MYH14: variants seen among roughly 807,000 people sequenced by gnomAD.
MYH14 encodes the protein myosin-14.
A neutral mutation model predicts 255.5 loss-of-function variants in MYH14; 123 were observed. The observed-to-expected ratio is 0.48, with a 90% CI of 0.42 to 0.56. MYH14 has a LOEUF of 0.56. MYH14 is among the 20% of genes least tolerant of loss of function. MYH14 has a pLI of 0.00. For synonymous variants in MYH14, 1,095 were observed against 1,161.2 expected (o/e 0.94, Z 1.16); for missense variants, 2,423 against 2,802.3 (o/e 0.86, Z 3.06).
Position 50,266,744 on chromosome 19 carries a change from C to CACACAGCTTGGCCTG in MYH14, c.2695-133_2695-132insACACAGCTTGGCCTG. 1 of 1,150,974 alleles carries CACACAGCTTGGCCTG rather than the reference C, an allele frequency of 8.7e-7. No homozygotes were observed. Among genetic ancestry groups the CACACAGCTTGGCCTG allele is most frequent in the Non-Finnish European group, 1.2e-6 (1 of 802,710 alleles). 71.3% of individuals were successfully genotyped at this position (1,150,974 alleles called of 1,614,324 possible). ...AGTGTTCTAGGCCTGTGACCAGGGA[C>CACACAGCTTGGCCTG]TGTTGCCAAGGCGGGGACACACAGC... On this transcript the variant is annotated intron_variant, in intron 22 of 42. Transcript: ENST00000642316. The surrounding 1 kb of genome is among the most constrained non-coding windows in gnomAD (Gnocchi z 4.1).
rs2035522865 is a variant in MYH14, at chr19:50,276,765, G to A, written c.3689G>A (p.Arg1230Lys). 6.2e-7 allele frequency: 1 copy of A among 1,613,492 alleles called. No individual in the cohort carries two copies. Among genetic ancestry groups the A allele is most frequent in the Non-Finnish European group, 8.5e-7 (1 of 1,179,876 alleles). ...CCTTTCCCCCAATAAAGGTCCAAGA[G>A]GGAACAGGAGGTGACGGAGCTGAAG... ...TNAQQELRSK[R>K]EQEVTELKKT... Residue 1230 changes from arginine to lysine, a missense_variant, in exon 29 of 43, where the codon AGG becomes AAG. Arg to Lys is a conservative substitution (Grantham distance 26). This residue lies in a region of MYH14 where 1,513 missense variants were observed against 1,674.8 expected (regional missense o/e 0.90). Coordinates refer to ENST00000642316, the MANE Select transcript of MYH14 (RefSeq NM_001145809.2). This position sits in a 1 kb window ranked among gnomAD's most constrained non-coding sequence, Gnocchi z 4.3.
chr19:50,293,216 C>T lies in MYH14; in HGVS notation c.5257-17C>T. 2 of 1,584,838 alleles carry T rather than the reference C, an allele frequency of 1.3e-6. No individual in the cohort carries two copies. The highest frequency in any genetic ancestry group is 1.7e-6 in the Non-Finnish European group (2 of 1,164,354). Reference sequence around the variant, plus strand: ...TGCTTCTCCTCACACCCACCGGCCACCCCTCCATCATCACAGGAACTGGCC... The same window carrying T: ...TGCTTCTCCTCACACCCACCGGCCATCCCTCCATCATCACAGGAACTGGCC... On this transcript the variant is annotated splice_polypyrimidine_tract_variant and intron_variant, in intron 37 of 42. Transcript: ENST00000642316. The surrounding 1 kb of genome is among the most constrained non-coding windows in gnomAD (Gnocchi z 4.1).
Position 50,252,674 on chromosome 19 carries a change from C to T in MYH14, c.1866C>T (p.Asn622=), listed in dbSNP as rs772840034. The T allele has an allele frequency of 6.9e-6, 11 of 1,600,650 alleles. No individual in the cohort carries two copies. The African/African-American group carries it at 1.3e-4, about 20-fold the overall frequency. The change falls in exon 16 of 43, where the codon AAC becomes AAT. Residue 622 remains asparagine, a synonymous_variant. Transcript: ENST00000642316. The surrounding 1 kb of genome is among the most constrained non-coding windows in gnomAD (Gnocchi z 4.2). ...AGGCCAACGAGTGGCTGATGAAAAA[C>T]ATGGACCCTCTGAATGACAACGTCG... is the stretch of plus-strand genomic sequence containing the variant. The part of the protein sequence containing the change: ...DYKANEWLMK[N]MDPLNDNVAA...
chr19:50,267,652 G>C (rs1479544917), intron 23 of MYH14, among the ~76,000 whole-genome samples: 1 of 120,852 alleles, frequency 8.3e-6, no homozygotes, highest in Non-Finnish European at 1.7e-5. Flanking sequence ...AATAATGCTA[G>C]AACAAACCCC....
In MYH14 at chr19:50,276,760, C is replaced by T. The variant is rs1377100489; in HGVS notation, c.3684C>T (p.Ser1228=). The change falls in exon 29 of 43, where the codon TCC becomes TCT. Residue 1228 remains serine, a synonymous_variant. Coordinates refer to ENST00000642316, the MANE Select transcript of MYH14 (RefSeq NM_001145809.2). The surrounding 1 kb of genome is among the most constrained non-coding windows in gnomAD (Gnocchi z 4.3). ...DSTNAQQELR[S]KREQEVTELK... ...TCTCTCCTTTCCCCCAATAAAGGTCCAAGAGGGAACAGGAGGTGACGGAGC... is the reference window on the plus strand; with the variant it reads ...TCTCTCCTTTCCCCCAATAAAGGTCTAAGAGGGAACAGGAGGTGACGGAGC... 56 of 1,613,258 alleles carry T rather than the reference C, an allele frequency of 3.5e-5. No homozygotes were observed. Among genetic ancestry groups the T allele is most frequent in the Non-Finnish European group, 4.5e-5 (53 of 1,179,864 alleles).
chr19:50,278,666 T>C (rs1290529757), intron 30 of MYH14, among the ~76,000 whole-genome samples: 1 of 152,090 alleles, frequency 6.6e-6, no homozygotes, highest in Non-Finnish European at 1.5e-5. Context: ...ATTGTGCCAC[T>C]GCACTCTAGC....
rs559299440 is a variant in MYH14 at position 50,220,733 on chromosome 19, A to C, written c.563-2350A>C. Among the ~76,000 whole-genome samples, 15 of 152,142 alleles carry C rather than the reference A, an allele frequency of 9.9e-5. No individual in the cohort carries two copies. In the East Asian group the frequency reaches 2.9e-3, roughly 29 times the overall value. The stretch of plus-strand genomic sequence containing the variant: ...ATGCACAGCTAATTTTTGTATTTTT[A>C]GTAGAGACCAGGTTTCACCATGTTG... On this transcript the variant is annotated intron_variant, in intron 3 of 42. Transcript: ENST00000642316.
chr19:50,281,732 G>A lies in MYH14; in HGVS notation c.4429G>A (p.Glu1477Lys). 6.2e-7 allele frequency: 1 copy of A among 1,611,840 alleles called. No homozygotes were observed. Among genetic ancestry groups the A allele is most frequent in the Non-Finnish European group, 8.5e-7 (1 of 1,179,622 alleles). ...AEKTETVDRL[E>K]RGRRRLQQEL... The stretch of plus-strand genomic sequence containing the variant: ...AAAGACAGAGACCGTGGATCGGCTG[G>A]AGCGGGGCCGCCGCCGGCTGCAGCA... The change falls in exon 33 of 43, where the codon GAG becomes AAG. Residue 1477 changes from glutamate to lysine, a missense_variant. Glu to Lys is a moderately conservative substitution (Grantham distance 56). Transcript: ENST00000642316.
intron 40 of MYH14, among the ~76,000 whole-genome samples, chr19:50,303,774 C>G (rs900872415): frequency 6.6e-6 from 1 of 152,072 alleles, no homozygotes; most frequent in Non-Finnish European, 1.5e-5. Flanking sequence ...GCAATTGCAC[C>G]AAGAACCATA....
intron 2 of MYH14, among the ~76,000 whole-genome samples, chr19:50,214,600 CTG>C (rs901981292): frequency 3.3e-5 from 5 of 152,160 alleles, no homozygotes; most frequent in African/African-American, 1.2e-4. Flanking sequence ...GGGCTGGAAA[CTG>C]AGGTTTAGAG....
intron 10 of MYH14, among the ~76,000 whole-genome samples, chr19:50,232,411 G>A (rs993804916): frequency 6.8e-6 from 1 of 148,054 alleles, no homozygotes; most frequent in Non-Finnish European, 1.5e-5. Flanking sequence ...GGCCAATATG[G>A]TGAAACACCG....
chr19:50,216,903 G>T (rs1408105446), intron 2 of MYH14, among the ~76,000 whole-genome samples: 2 of 148,370 alleles, frequency 1.3e-5, no homozygotes, highest in Admixed American at 6.8e-5. Context: ...CGCCTGCCAG[G>T]TTCAAACAAT....
At chr19:50,286,375 C>A in intron 33 of MYH14, 107 bp from the exon 34 acceptor site, 1 of 1,107,162 alleles carries the variant, frequency 9.0e-7, no homozygotes, top group Non-Finnish European at 1.3e-6. Context: ...CTTTGTCTGT[C>A]TCTTTCTCTC....
intron 39 of MYH14, among the ~76,000 whole-genome samples, chr19:50,296,213 AG>A (rs1568551266): frequency 6.6e-6 from 1 of 152,192 alleles, no homozygotes; most frequent in African/African-American, 2.4e-5. Context: ...ATACAGATCC[AG>A]TCTCTCTGAC....
At chr19:50,305,663 C>T (rs1232709357) in intron 40 of MYH14, among the ~76,000 whole-genome samples, 1 of 152,118 alleles carries the variant, frequency 6.6e-6, no homozygotes, top group Admixed American at 6.5e-5. Flanking sequence ...TGCAGTGGCT[C>T]ATGCCTGTAA....
Position 50,220,791 on chromosome 19 carries a change from G to C in MYH14, c.563-2292G>C, listed in dbSNP as rs138360701. On this transcript the variant is annotated intron_variant, in intron 3 of 42. Coordinates refer to ENST00000642316, the MANE Select transcript of MYH14 (RefSeq NM_001145809.2). ...TGGTCTCGAACTCCTGACCTCAGGT[G>C]ATCCGCCTACCTCAGCCTCCCAAAG... 2.4e-3 allele frequency among the ~76,000 whole-genome samples: 360 copies of C among 152,172 alleles called. 2 individuals are homozygous for C. The highest frequency in any genetic ancestry group is 8.0e-3 in the African/African-American group (332 of 41,514).
Position 50,293,514 on chromosome 19 carries a change from C to G in MYH14, c.5346-50C>G, listed in dbSNP as rs1405702672. ...GTCCTGTAGTGTGAGGCAAGGCACC[C>G]TCCTCTGACCATCCTGTCCTTTCAT... On this transcript the variant is annotated intron_variant, in intron 38 of 42. Coordinates refer to ENST00000642316, the MANE Select transcript of MYH14 (RefSeq NM_001145809.2). This position sits in a 1 kb window ranked among gnomAD's most constrained non-coding sequence, Gnocchi z 4.1. The G allele has an allele frequency of 6.2e-7, 1 of 1,606,148 alleles. No homozygotes were observed. Among genetic ancestry groups the G allele is most frequent in the Non-Finnish European group, 8.5e-7 (1 of 1,176,952 alleles).
intron 25 of MYH14, 21 bp downstream of exon 25, chr19:50,271,567 T>C (rs1266894337): frequency 1.3e-6 from 2 of 1,597,850 alleles, no homozygotes; most frequent in African/African-American, 1.3e-5. Context: ...TGAGGGCAGC[T>C]GGGAAAGTGG....
At chr19:50,282,659 TGCCACTGCACTCCGGCCTG>T (rs1474908423) in intron 33 of MYH14, among the ~76,000 whole-genome samples, 1 of 151,998 alleles carries the variant, frequency 6.6e-6, no homozygotes, top group Non-Finnish European at 1.5e-5. Flanking sequence ...GCCAAGATCG[TGCCACTGCACTCCGGCCTG>T]GGTGATAGAG....
Sources: gnomAD v4.1 joint callset for allele counts (sites outside exome capture counted in the v4.1 genomes callset) on GRCh38, gnomAD v4.1.1 for gene constraint, gnomAD v4.1.1 regional missense constraint, Gnocchi (gnomAD v3.1) non-coding constraint, MANE v1.5 for transcripts, NCBI Gene and HGNC (gene_info 2026-07-23, HGNC 2026-07-21) for gene names.